The following ZC3H12B variants were observed in gnomAD, a reference collection of about 807,000 sequenced individuals.
ZC3H12B encodes the protein probable ribonuclease ZC3H12B.
Under a neutral mutation model 43.9 loss-of-function variants are expected in ZC3H12B, and 7 were observed. The ratio of observed to expected loss-of-function variants is 0.16; its 90% CI spans 0.09 to 0.30. The LOEUF is 0.30. Among genes scored for constraint, ZC3H12B ranks in the 10% least tolerant of loss-of-function variants. The pLI is 1.00. For synonymous variants in ZC3H12B, 222 were observed against 241.7 expected, an observed-to-expected ratio of 0.92 and a Z score of 0.76; for missense variants, 475 against 670.2, an observed-to-expected ratio of 0.71 and a Z score of 3.22.
At chrX:65,122,646 C>T in the ZC3H12B span, among the ~76,000 whole-genome samples, 44 of 110,977 alleles carry the variant, frequency 4.0e-4, no homozygotes, top group Admixed American at 3.4e-3. Context: ...ACCCATCTCA[C>T]GTGCAGAGAC....
chrX:65,255,194 A>T, the ZC3H12B span, among the ~76,000 whole-genome samples: 1 of 111,314 alleles, frequency 9.0e-6, no homozygotes, highest in Non-Finnish European at 1.9e-5. Context: ...CCAACATTGG[A>T]AATGGAGAAA....
At chrX:65,329,606 A>G in the ZC3H12B span, among the ~76,000 whole-genome samples, 3 of 109,576 alleles carry the variant, frequency 2.7e-5, no homozygotes, top group Admixed American at 2.9e-4. Flanking sequence ...TTGGTGTTTT[A>G]GACATGAAGT....
chrX:65,478,935 G>A (rs1014813820), intron 3 of ZC3H12B, among the ~76,000 whole-genome samples: 1 of 111,820 alleles, frequency 8.9e-6, no homozygotes, highest in African/African-American at 3.2e-5. Context: ...TCAACTTCTT[G>A]TTTGCTCTAG....
chrX:65,223,964 G>T, the ZC3H12B span, among the ~76,000 whole-genome samples: 4 of 111,962 alleles, frequency 3.6e-5, no homozygotes, highest in African/African-American at 1.3e-4. Flanking sequence ...TCGACCGAGA[G>T]GAAAAGAAGT....
the ZC3H12B span, among the ~76,000 whole-genome samples, chrX:65,245,621 G>T: frequency 1.8e-5 from 2 of 111,595 alleles, no homozygotes. Flanking sequence ...TGCGGAAAAG[G>T]CTTTTGATAA....
chrX:65,361,163 C>T, the ZC3H12B span, among the ~76,000 whole-genome samples: 6 of 111,662 alleles, frequency 5.4e-5, no homozygotes, highest in African/African-American at 2.0e-4. Flanking sequence ...AAGCCATAGC[C>T]TTAGAACTTT....
chrX:65,095,037 A>C, the ZC3H12B span, among the ~76,000 whole-genome samples: 1 of 112,382 alleles, frequency 8.9e-6, no homozygotes, highest in African/African-American at 3.2e-5. Context: ...AATATTTATT[A>C]CCAGTGATAA....
the ZC3H12B span, among the ~76,000 whole-genome samples, chrX:65,092,306 T>C: frequency 2.7e-5 from 3 of 111,396 alleles, no homozygotes; most frequent in East Asian, 8.5e-4. Flanking sequence ...ATACAGAAAA[T>C]TGGCACAGAG....
chrX:65,195,435 G>A, the ZC3H12B span, among the ~76,000 whole-genome samples: 2 of 111,863 alleles, frequency 1.8e-5, no homozygotes, highest in African/African-American at 3.2e-5. Context: ...ACAAACAAGC[G>A]AAGAGAACAC....
At chrX:65,333,603 C>A in the ZC3H12B span, among the ~76,000 whole-genome samples, 1 of 112,158 alleles carries the variant, frequency 8.9e-6, no homozygotes, top group Non-Finnish European at 1.9e-5. Context: ...TATCACCTGT[C>A]CTGCTTGATA....
the ZC3H12B span, among the ~76,000 whole-genome samples, chrX:65,230,228 C>T: frequency 9.0e-6 from 1 of 111,101 alleles, no homozygotes; most frequent in Non-Finnish European, 1.9e-5. Context: ...AGTTCATGTC[C>T]TTTGTAGGGA....
chrX:65,266,545 A>G, the ZC3H12B span, among the ~76,000 whole-genome samples: 5 of 111,963 alleles, frequency 4.5e-5, no homozygotes, highest in Admixed American at 9.5e-5. Flanking sequence ...AAAACAACCA[A>G]AAAGAGGCTT....
At chrX:65,117,064 GGT>G in the ZC3H12B span, among the ~76,000 whole-genome samples, 1 of 111,725 alleles carries the variant, frequency 9.0e-6, no homozygotes, top group African/African-American at 3.3e-5. Flanking sequence ...GAATCCTTTG[GGT>G]ATATACCCAG....
chrX:65,273,162 G>A, the ZC3H12B span: 1 of 112,338 alleles, frequency 8.9e-6, no homozygotes, highest in Non-Finnish European at 1.9e-5. Context: ...CTTCCAGTTA[G>A]CACTTACTTG....
chrX:65,442,989 T>A (rs1021455310), intron 3 of ZC3H12B, among the ~76,000 whole-genome samples: 1 of 110,393 alleles, frequency 9.1e-6, no homozygotes, highest in African/African-American at 3.3e-5. Context: ...AAAGAAAGAT[T>A]TGGGGGGTCA....
At chrX:65,113,567 A>T in the ZC3H12B span, among the ~76,000 whole-genome samples, 6 of 106,454 alleles carry the variant, frequency 5.6e-5, no homozygotes, top group Admixed American at 2.0e-4. Flanking sequence ...TTGTTTTATA[A>T]AAAAAAAAAA....
chrX:65,154,214 A>G, the ZC3H12B span, among the ~76,000 whole-genome samples: 4 of 112,181 alleles, frequency 3.6e-5, no homozygotes, highest in Non-Finnish European at 7.5e-5. Flanking sequence ...CATGCACCCT[A>G]AAACTTAAAG....
At chrX:65,041,264 A>T in the ZC3H12B span, among the ~76,000 whole-genome samples, 1 of 112,173 alleles carries the variant, frequency 8.9e-6, no homozygotes, top group East Asian at 2.8e-4. Context: ...TTCAGGCCCC[A>T]CTAACCAAGG....
chrX:65,159,941 A>G, the ZC3H12B span, among the ~76,000 whole-genome samples: 1 of 111,878 alleles, frequency 8.9e-6, no homozygotes, highest in African/African-American at 3.3e-5. Flanking sequence ...CGTCCCATCA[A>G]TACCTAATTT....
Sources: allele counts gnomAD v4.1 joint callset (sites outside exome capture counted in the v4.1 genomes callset), GRCh38; gene constraint gnomAD v4.1.1; transcripts MANE v1.5; gene names NCBI Gene and HGNC (gene_info 2026-07-23, HGNC 2026-07-21).